Variants in KRT80 observed in about 807,000 individuals in gnomAD.
The protein encoded by KRT80 is keratin 80.
A neutral mutation model predicts 51.5 loss-of-function variants in KRT80; 36 were observed. That is an observed-to-expected ratio of 0.70 (90% CI 0.54 to 0.92). The LOEUF (loss-of-function observed/expected upper bound fraction) is 0.92, where lower values mean the gene tolerates loss of function less well. Among genes scored for constraint, KRT80 ranks in the 40% least tolerant of loss-of-function variants. The pLI, the probability that KRT80 is intolerant of heterozygous loss-of-function variation, is 0.00. For synonymous variants in KRT80, 235 were observed against 248.3 expected, an observed-to-expected ratio of 0.95 and a Z score of 0.50; for missense variants, 566 against 591.7, an observed-to-expected ratio of 0.96 and a Z score of 0.45.
chr12:52,181,082 G>T, intron 2 of KRT80, 119 bp from the exon 3 acceptor site: 1 of 647,820 alleles, frequency 1.5e-6, no homozygotes, highest in East Asian at 3.1e-5. Flanking sequence ...GCCAATTAAA[G>T]AAAAGCAGCC....
chr12:52,173,071 C>T lies in KRT80; in HGVS notation c.924G>A (p.Lys308=), dbSNP rs1941143623. 1.2e-6 allele frequency: 2 copies of T among 1,612,850 alleles called. No individual in the cohort carries two copies. The highest frequency in any genetic ancestry group is 2.2e-5 in the East Asian group (1 of 44,838). Residue 308 remains lysine, a synonymous_variant, in exon 6 of 9, where the codon AAG becomes AAA. Transcript: ENST00000394815. ...EIADLNVRIQ[K]LRSQILSVKS... ...TGACAGAGAGGATCTGGGACCGCAG[C>T]TTCTGGATGCGCACATTGAGATCCG...
chr12:52,184,243 C>T (rs972358140), intron 2 of KRT80, among the ~76,000 whole-genome samples: 5 of 152,154 alleles, frequency 3.3e-5, no homozygotes, highest in Non-Finnish European at 7.4e-5. Context: ...AAGGGTTCAG[C>T]CTGCCCTGTC....
In KRT80 at chr12:52,172,215, C is replaced by T. The variant is rs752441916; in HGVS notation, c.1161G>A (p.Val387=). 2 of 1,613,698 alleles carry T rather than the reference C, an allele frequency of 1.2e-6. No homozygotes were observed. The highest frequency in any genetic ancestry group is 2.7e-5 in the African/African-American group (2 of 74,938). The part of the protein sequence containing the change: ...DIEIATYRKL[V]EGEEGRMDSP... ...GCTCTCACCTGCCCTCCTCGCCCTC[C>T]ACCAGCTTCCTGTAGGTGGCGATCT... is the stretch of plus-strand genomic sequence containing the variant. Residue 387 remains valine, a synonymous_variant, in exon 7 of 9, where the codon GTG becomes GTA. Transcript: ENST00000394815.
chr12:52,189,922 G>A (rs550186872), intron 1 of KRT80, among the ~76,000 whole-genome samples: 4 of 152,334 alleles, frequency 2.6e-5, no homozygotes, highest in South Asian at 2.1e-4. Flanking sequence ...CAGTGCTGGC[G>A]TTTGAGGGAG....
intron 4 of KRT80, among the ~76,000 whole-genome samples, chr12:52,178,240 C>A (rs905293018): frequency 2.0e-5 from 3 of 152,192 alleles, no homozygotes; most frequent in African/African-American, 7.2e-5. Flanking sequence ...ATAGCACAAC[C>A]ACACCTGAAA....
chr12:52,185,352 T>C (rs745827664), intron 2 of KRT80, 27 bp downstream of exon 2: 1 of 1,587,756 alleles, frequency 6.3e-7, no homozygotes, highest in Non-Finnish European at 8.6e-7. Flanking sequence ...CAGGCCTTGC[T>C]CATGGCTCTC....
At chr12:52,175,725 C>T (rs1224750202) in intron 4 of KRT80, among the ~76,000 whole-genome samples, 2 of 152,098 alleles carry the variant, frequency 1.3e-5, no homozygotes, top group African/African-American at 4.8e-5. Context: ...CCTTGGGTGT[C>T]TCCTGCTGGG....
chr12:52,176,505 G>A (rs1381856237), intron 4 of KRT80, among the ~76,000 whole-genome samples: 1 of 149,308 alleles, frequency 6.7e-6, no homozygotes, highest in Non-Finnish European at 1.5e-5. Context: ...TTTTGAGATG[G>A]AGTTTCACTC....
At chr12:52,190,832 G>A (rs931969013) in intron 1 of KRT80, among the ~76,000 whole-genome samples, 4 of 152,166 alleles carry the variant, frequency 2.6e-5, no homozygotes, top group Non-Finnish European at 5.9e-5. Context: ...AACAGATTTG[G>A]GAAGTGGATA....
At position 52,179,898 on chromosome 12, in the gene KRT80, G is replaced by A. The variant is rs1206774502; in HGVS notation, c.666+615C>T. ...GAGGAGGACACATATCCTGAAGGGT[G>A]CCTAGGAGTCAGCAGCTGGCATGGA... is the stretch of plus-strand genomic sequence containing the variant. On this transcript the variant is annotated intron_variant, in intron 4 of 8. Transcript: ENST00000394815. 3.3e-5 allele frequency among the ~76,000 whole-genome samples: 5 copies of A among 152,342 alleles called. No homozygotes were observed. In the East Asian group the frequency reaches 9.6e-4, roughly 29 times the overall value.
In KRT80 at chr12:52,184,781, C is replaced by A. The variant is rs143640441; in HGVS notation, c.509+598G>T. Among the ~76,000 whole-genome samples, 499 of 152,336 alleles carry A rather than the reference C, an allele frequency of 3.3e-3. 5 individuals are homozygous for A. Among genetic ancestry groups the A allele is most frequent in the African/African-American group, 0.011 (467 of 41,560 alleles). On this transcript the variant is annotated intron_variant, in intron 2 of 8. Transcript: ENST00000394815. The stretch of plus-strand genomic sequence containing the variant: ...TTTGTCTGTCTGTCTGTCTGCCCCA[C>A]TAAGTTGTAAAGGCACCTTGCATAC...
In KRT80 at chr12:52,186,970, C is replaced by T. The variant is rs575613913; in HGVS notation, c.301-1383G>A. On this transcript the variant is annotated intron_variant, in intron 1 of 8. Coordinates refer to ENST00000394815, the MANE Select transcript of KRT80 (RefSeq NM_182507.3). The stretch of plus-strand genomic sequence containing the variant: ...CATTTGTTCTTCCAGCTCCCTCCTG[C>T]AGGAAGCCCTCCATGACTCATATCT... Among the ~76,000 whole-genome samples the T allele has an allele frequency of 6.6e-5, 10 of 152,312 alleles. No individual in the cohort carries two copies. The South Asian group carries it at 2.1e-3, about 32-fold the overall frequency.
chr12:52,176,367 C>A (rs980954027), intron 4 of KRT80, among the ~76,000 whole-genome samples: 2 of 152,220 alleles, frequency 1.3e-5, no homozygotes, highest in African/African-American at 4.8e-5. Flanking sequence ...TGAGCACCCT[C>A]ACTGTGTTCC....
intron 1 of KRT80, among the ~76,000 whole-genome samples, chr12:52,190,701 C>G (rs1020630751): frequency 3.9e-5 from 6 of 152,244 alleles, no homozygotes; most frequent in African/African-American, 1.4e-4. Flanking sequence ...TGAAAAGCAT[C>G]AGCACAGTGC....
Position 52,173,175 on chromosome 12 carries a change from T to C in KRT80, c.832-12A>G, listed in dbSNP as rs1225937060. 1.9e-6 allele frequency: 3 copies of C among 1,602,386 alleles called. No individual in the cohort carries two copies. The highest frequency in any genetic ancestry group is 2.2e-5 in the East Asian group (1 of 44,536). On this transcript the variant is annotated splice_polypyrimidine_tract_variant and intron_variant, in intron 5 of 8. Transcript: ENST00000394815. ...GCCTGCTCCTCCAGCTGGAGGTACA[T>C]GGAGGTCTCAGTGAGGGGCAGCTCA... is the stretch of plus-strand genomic sequence containing the variant.
At position 52,191,907 on chromosome 12, in the gene KRT80, C is replaced by A; in HGVS notation, c.-5G>T. 1.4e-6 allele frequency: 2 copies of A among 1,459,108 alleles called. No individual in the cohort carries two copies. Among genetic ancestry groups the A allele is most frequent in the Non-Finnish European group, 1.8e-6 (2 of 1,103,804 alleles). 90.4% of individuals were successfully genotyped at this position (1,459,108 alleles called of 1,614,324 possible). On this transcript the variant is annotated 5_prime_UTR_variant, in exon 1 of 9. Coordinates refer to ENST00000394815, the MANE Select transcript of KRT80 (RefSeq NM_182507.3). ...CACGCAGGAGCGGCAGGCCATGGTG[C>A]CCCCGGCCGGAAGCAGGAGGGCCCA...
Position 52,185,565 on chromosome 12 carries a change from T to C in KRT80, c.323A>G (p.Asn108Ser), listed in dbSNP as rs1458738253. ...GCTCCAGCGTGTCTCCAGCAGCTGG[T>C]TGCGCTGTTCCAGGGCTTGCACCTG... ...IGKVQALEQRNQLLETRWSFL... is the reference protein window; with the variant it reads ...IGKVQALEQRSQLLETRWSFL... Residue 108 changes from asparagine to serine, a missense_variant, in exon 2 of 9, where the codon AAC becomes AGC. Asn to Ser is a conservative substitution (Grantham distance 46, BLOSUM62 1). Transcript: ENST00000394815. 6.2e-7 allele frequency: 1 copy of C among 1,610,348 alleles called. No homozygotes were observed. The highest frequency in any genetic ancestry group is 1.1e-5 in the South Asian group (1 of 91,074).
At chr12:52,184,129 T>C (rs1209128368) in intron 2 of KRT80, among the ~76,000 whole-genome samples, 3 of 152,194 alleles carry the variant, frequency 2.0e-5, no homozygotes, top group African/African-American at 4.8e-5. Flanking sequence ...GGACAGGTGC[T>C]CTCCACTCTC....
At position 52,185,539 on chromosome 12, in the gene KRT80, A is replaced by T. The variant is rs763452479; in HGVS notation, c.349T>A (p.Phe117Ile). 6.2e-7 allele frequency: 1 copy of T among 1,612,848 alleles called. No homozygotes were observed. Among genetic ancestry groups the T allele is most frequent in the South Asian group, 1.1e-5 (1 of 91,086 alleles). The change falls in exon 2 of 9, where the codon TTC becomes ATC. Residue 117 changes from phenylalanine (F) to isoleucine (I), a missense_variant. Physicochemically the swap from Phe to Ile is conservative, Grantham distance 21. Transcript: ENST00000394815. ...RNQLLETRWSFLQGQDSAIFD... is the reference protein window; with the variant it reads ...RNQLLETRWSILQGQDSAIFD... The stretch of plus-strand genomic sequence containing the variant: ...ATGGCTGAGTCCTGGCCCTGCAGGA[A>T]GCTCCAGCGTGTCTCCAGCAGCTGG...
Sources: gnomAD v4.1 joint callset for allele counts (sites outside exome capture counted in the v4.1 genomes callset) on GRCh38, gnomAD v4.1.1 for gene constraint, MANE v1.5 for transcripts, NCBI Gene and HGNC (gene_info 2026-07-23, HGNC 2026-07-21) for gene names.